Variants in FBXO25 observed in about 807,000 individuals in gnomAD.
The protein encoded by FBXO25 is F-box only protein 25.
FBXO25 carries 45 observed loss-of-function variants against 51.9 expected under a neutral mutation model. That is an observed-to-expected ratio of 0.87 (90% CI 0.68 to 1.11). The LOEUF (loss-of-function observed/expected upper bound fraction) is 1.11. FBXO25 is among the 50% of genes most tolerant of loss of function. The pLI, the probability that FBXO25 is intolerant of heterozygous loss-of-function variation, is 0.00. For missense variants in FBXO25, 507 were observed against 428.5 expected, an observed-to-expected ratio of 1.18 and a Z score of -1.62; for synonymous variants, 199 against 151.0, an observed-to-expected ratio of 1.32 and a Z score of -2.33.
At chr8:424,003 T>C (rs1031199129) in intron 2 of FBXO25, among the ~76,000 whole-genome samples, 1 of 152,202 alleles carries the variant, frequency 6.6e-6, no homozygotes, top group African/African-American at 2.4e-5. Flanking sequence ...TGTCAGATGG[T>C]ATCTCATTGT....
intron 2 of FBXO25, among the ~76,000 whole-genome samples, chr8:417,779 T>C (rs1464446883): frequency 1.3e-5 from 2 of 152,238 alleles, no homozygotes; most frequent in African/African-American, 4.8e-5. Context: ...TGGCATTTCA[T>C]TGTTTAGGTA....
chr8:461,459 T>C (rs1799803776), intron 8 of FBXO25, among the ~76,000 whole-genome samples: 1 of 152,122 alleles, frequency 6.6e-6, no homozygotes, highest in South Asian at 2.1e-4. Flanking sequence ...GAACTGCCCT[T>C]TATAAAATCA....
At chr8:460,454 G>GA (rs1024549521) in intron 8 of FBXO25, among the ~76,000 whole-genome samples, 29 of 149,886 alleles carry the variant, frequency 1.9e-4, no homozygotes, top group East Asian at 5.9e-4. Context: ...TTAAGGCCCT[G>GA]AAAAAAAAAG....
chr8:470,915 T>C lies in FBXO25; in HGVS notation c.*2111T>C, dbSNP rs1316214614. On this transcript the variant is annotated 3_prime_UTR_variant, in exon 10 of 10. Transcript: ENST00000350302. ...GTTTTTTGGGGTGGATGTCAGTCTT[T>C]TTTCATGTTAGTTTCTTCTTAAAAG... The C allele has an allele frequency of 6.6e-6, 1 of 152,208 alleles. No individual in the cohort carries two copies. Among genetic ancestry groups the C allele is most frequent in the East Asian group, 1.9e-4 (1 of 5,202 alleles). The allele number at this position is 152,208 out of a possible 1,614,324, so 9.4% of individuals were successfully genotyped here. A position where few individuals can be genotyped will look rare whatever the true frequency, so the allele number is the denominator to read the frequency against.
chr8:421,638 T>G (rs1328884873), intron 2 of FBXO25, among the ~76,000 whole-genome samples: 1 of 152,182 alleles, frequency 6.6e-6, no homozygotes, highest in Admixed American at 6.5e-5. Flanking sequence ...GGTCTATGCA[T>G]GTGTGAGTTA....
intron 7 of FBXO25, among the ~76,000 whole-genome samples, chr8:452,290 C>T (rs1162552439): frequency 2.0e-5 from 3 of 152,156 alleles, no homozygotes; most frequent in Admixed American, 6.5e-5. Context: ...TAACATTCAG[C>T]GTCAGTAAGA....
chr8:452,083 A>T (rs536929522), intron 7 of FBXO25, among the ~76,000 whole-genome samples: 2 of 152,342 alleles, frequency 1.3e-5, no homozygotes, highest in African/African-American at 4.8e-5. Context: ...CCTTGGTGGT[A>T]TAAATGATTC....
At chr8:412,757 T>G (rs1407055369) in intron 1 of FBXO25, among the ~76,000 whole-genome samples, 1 of 152,216 alleles carries the variant, frequency 6.6e-6, no homozygotes, top group Non-Finnish European at 1.5e-5. Flanking sequence ...AATACTTGTT[T>G]GGAATAATAT....
chr8:453,228 C>T (rs1461077048), intron 7 of FBXO25, among the ~76,000 whole-genome samples: 1 of 152,186 alleles, frequency 6.6e-6, no homozygotes, highest in Non-Finnish European at 1.5e-5. Flanking sequence ...CACAAAGGTG[C>T]CAGTTTTCGT....
chr8:466,285 A>C (rs1378687474), intron 9 of FBXO25, among the ~76,000 whole-genome samples: 1 of 152,148 alleles, frequency 6.6e-6, no homozygotes, highest in Non-Finnish European at 1.5e-5. Flanking sequence ...GGCCAAACCC[A>C]GATTGGAGTC....
intron 2 of FBXO25, among the ~76,000 whole-genome samples, chr8:418,230 T>C (rs1473360402): frequency 1.3e-5 from 2 of 152,196 alleles, no homozygotes; most frequent in East Asian, 3.8e-4. Context: ...ACAGCAGCCT[T>C]GTCTTTGTAA....
chr8:463,697 C>T (rs558163787), intron 9 of FBXO25, among the ~76,000 whole-genome samples: 1 of 152,250 alleles, frequency 6.6e-6, no homozygotes, highest in Non-Finnish European at 1.5e-5. Flanking sequence ...ACAAGACTAT[C>T]GTTACTTATC....
In FBXO25 at chr8:420,081, C is replaced by T. The variant is rs970403793; in HGVS notation, c.134+6868C>T. ...GTTAGGGAAACAAATGCAAGCAATC[C>T]GGAAGGTAAACACTGCAGCTAGCCT... On this transcript the variant is annotated intron_variant, in intron 2 of 9. Coordinates refer to ENST00000350302, the MANE Select transcript of FBXO25 (RefSeq NM_183420.2). 5.3e-5 allele frequency among the ~76,000 whole-genome samples: 8 copies of T among 152,010 alleles called. No individual in the cohort carries two copies. The South Asian group carries it at 6.2e-4, about 12-fold the overall frequency.
At chr8:408,199 G>A (rs1306407791) in intron 1 of FBXO25, among the ~76,000 whole-genome samples, 1 of 152,100 alleles carries the variant, frequency 6.6e-6, no homozygotes, top group Non-Finnish European at 1.5e-5. Context: ...AAAACAAATA[G>A]GGAAACACAT....
rs1471080460 is a variant in FBXO25 at position 473,780 on chromosome 8, G to A, written c.*4976G>A. Reference sequence around the variant, plus strand: ...GAGCAAAAAAAATGAGGACATCTGTGTCAAATAGAAGAGACACCTCAACTG... The same window carrying A: ...GAGCAAAAAAAATGAGGACATCTGTATCAAATAGAAGAGACACCTCAACTG... On this transcript the variant is annotated 3_prime_UTR_variant, in exon 10 of 10. Coordinates refer to ENST00000350302, the MANE Select transcript of FBXO25 (RefSeq NM_183420.2). 1.3e-5 allele frequency: 2 copies of A among 152,122 alleles called. No individual in the cohort carries two copies. Among genetic ancestry groups the A allele is most frequent in the African/African-American group, 4.8e-5 (2 of 41,424 alleles). The allele number at this position is 152,122 out of a possible 1,614,324, so 9.4% of individuals were successfully genotyped here. A position where few individuals can be genotyped will look rare whatever the true frequency, so the allele number is the denominator to read the frequency against.
At chr8:413,413 T>G (rs1796605632) in intron 2 of FBXO25, among the ~76,000 whole-genome samples, 200 bp downstream of exon 2, 1 of 152,232 alleles carries the variant, frequency 6.6e-6, no homozygotes, top group Non-Finnish European at 1.5e-5. Context: ...CGTCTTTTTT[T>G]TTTTAATTTA....
chr8:451,814 A>G (rs997447889), intron 7 of FBXO25, among the ~76,000 whole-genome samples: 20 of 152,192 alleles, frequency 1.3e-4, no homozygotes, highest in Admixed American at 2.6e-4. Flanking sequence ...GCTTCTCCCA[A>G]GTTAGTAACT....
chr8:466,320 G>C (rs1221329151), intron 9 of FBXO25, among the ~76,000 whole-genome samples: 1 of 152,170 alleles, frequency 6.6e-6, no homozygotes, highest in Non-Finnish European at 1.5e-5. Context: ...CTGCCTCCGG[G>C]GTCTCCTGAG....
chr8:432,937 T>G lies in FBXO25; in HGVS notation c.288+2T>G. 6.4e-7 allele frequency: 1 copy of G among 1,555,372 alleles called. No homozygotes were observed. The highest frequency in any genetic ancestry group is 1.2e-5 in the South Asian group (1 of 81,912). ...GTCCATAAAGAAAGCACAAAGGAAG[T>G]AAGTATTCTATTATAAATATGAGAG... On this transcript the variant is annotated splice_donor_variant, in intron 4 of 9. Transcript: ENST00000350302. LOFTEE classifies it high-confidence loss of function.
Sources: gnomAD v4.1 joint callset for allele counts (sites outside exome capture counted in the v4.1 genomes callset) on GRCh38, gnomAD v4.1.1 for gene constraint, MANE v1.5 for transcripts, NCBI Gene and HGNC (gene_info 2026-07-23, HGNC 2026-07-21) for gene names.